Variants in KLHL14 observed in about 807,000 individuals in gnomAD.
KLHL14 encodes kelch like family member 14.
KLHL14 carries 22 observed loss-of-function variants against 64.3 expected under a neutral mutation model. The observed-to-expected ratio is 0.34, with a 90% CI of 0.24 to 0.49. The LOEUF (loss-of-function observed/expected upper bound fraction) is 0.49, where lower values mean the gene tolerates loss of function less well. Among genes scored for constraint, KLHL14 ranks in the 20% least tolerant of loss-of-function variants. KLHL14 has a pLI of 0.99. For missense variants in KLHL14, 661 were observed against 789.0 expected (o/e 0.84, Z 1.94); for synonymous variants, 322 against 333.4 (o/e 0.97, Z 0.37).
chr18:32,765,895 T>C (rs1056866277), intron 2 of KLHL14, among the ~76,000 whole-genome samples: 1 of 152,134 alleles, frequency 6.6e-6, no homozygotes, highest in Admixed American at 6.5e-5. Flanking sequence ...TTAGGTAGTC[T>C]CCTGTTGTTT....
Position 32,770,303 on chromosome 18 carries a change from G to A in KLHL14, c.289C>T (p.Gln97Ter). 6.3e-7 allele frequency: 1 copy of A among 1,586,616 alleles called. No homozygotes were observed. Among genetic ancestry groups the A allele is most frequent in the Non-Finnish European group, 8.6e-7 (1 of 1,166,332 alleles). The change falls in exon 2 of 9, where the codon CAG (glutamine) becomes TAG (stop). Residue 97 changes from glutamine (Q) to a stop codon, truncating the protein, a stop_gained. Transcript: ENST00000359358. LOFTEE classifies it high-confidence loss of function. This position sits in a 1 kb window ranked among gnomAD's most constrained non-coding sequence, Gnocchi z 6.7. ...PPQQQPSQQQQPPPQEEPGTP... is the reference protein window; with the variant it reads ...PPQQQPSQQQ ...CCGGGCTCCTCCTGCGGCGGCGGCT[G>A]CTGCTGCTGTGACGGCTGCTGCTGC...
rs767356170 is a variant in KLHL14 at position 32,683,504 on chromosome 18, C to T, written c.1239-2905G>A. ...CTTGACAATGCTCCCTGCCCCTCTT[C>T]GCCACATGAAGAACATATAAGGTTC... On this transcript the variant is annotated intron_variant, in intron 5 of 8. Coordinates refer to ENST00000359358, the MANE Select transcript of KLHL14 (RefSeq NM_020805.3). This position sits in a 1 kb window ranked among gnomAD's most constrained non-coding sequence, Gnocchi z 4.2. Among the ~76,000 whole-genome samples, 17 of 152,090 alleles carry T rather than the reference C, an allele frequency of 1.1e-4. No individual in the cohort carries two copies. The highest frequency in any genetic ancestry group is 2.1e-4 in the South Asian group (1 of 4,816).
chr18:32,750,519 A>G (rs2050246104), intron 2 of KLHL14, among the ~76,000 whole-genome samples: 1 of 152,204 alleles, frequency 6.6e-6, no homozygotes, highest in African/African-American at 2.4e-5. Context: ...TTGCATAAGC[A>G]AGTTTAACAA....
chr18:32,748,808 C>CTTA (rs1376639828), intron 2 of KLHL14, among the ~76,000 whole-genome samples: 2 of 152,118 alleles, frequency 1.3e-5, no homozygotes, highest in Non-Finnish European at 2.9e-5. Context: ...TCTCTTTAAC[C>CTTA]TTATTTATAA....
intron 8 of KLHL14, among the ~76,000 whole-genome samples, chr18:32,675,776 G>A (rs959694192): frequency 3.3e-5 from 5 of 152,134 alleles, no homozygotes; most frequent in African/African-American, 9.7e-5. Context: ...CCCAATGTCT[G>A]CTTCCAAACA....
chr18:32,737,801 CA>C (rs1430561764), intron 3 of KLHL14: 2 of 152,008 alleles, frequency 1.3e-5, no homozygotes, highest in Non-Finnish European at 2.9e-5. Context: ...CCTTCCACTA[CA>C]AAGAGAAAAG....
At chr18:32,756,107 T>C (rs916385888) in intron 2 of KLHL14, among the ~76,000 whole-genome samples, 2 of 152,170 alleles carry the variant, frequency 1.3e-5, no homozygotes, top group African/African-American at 2.4e-5. Context: ...CATTTGGAGA[T>C]AGAGCTTTTA....
At chr18:32,699,579 A>G (rs192345676) in intron 3 of KLHL14, among the ~76,000 whole-genome samples, 1 of 152,200 alleles carries the variant, frequency 6.6e-6, no homozygotes, top group Non-Finnish European at 1.5e-5. Context: ...TAGAATCCAA[A>G]CATGGGGATA....
At chr18:32,761,962 A>G (rs12606442) in intron 2 of KLHL14, among the ~76,000 whole-genome samples, 68,582 of 152,042 alleles carry the variant, frequency 0.45, 17,356 homozygotes, top group East Asian at 0.93. Flanking sequence ...GCCAGGTCAA[A>G]TTACATGGGA....
intron 3 of KLHL14, among the ~76,000 whole-genome samples, chr18:32,704,415 A>G (rs2049980385): frequency 6.6e-6 from 1 of 152,104 alleles, no homozygotes; most frequent in Non-Finnish European, 1.5e-5. Flanking sequence ...AAGGTATCAG[A>G]AGGTCTAATT....
intron 3 of KLHL14, among the ~76,000 whole-genome samples, chr18:32,699,927 ATT>A (rs557703756): frequency 1.0e-4 from 15 of 143,564 alleles, no homozygotes; most frequent in Non-Finnish European, 1.1e-4. Flanking sequence ...CTGTTGGCAG[ATT>A]TTTTTTTTTT....
At position 32,767,130 on chromosome 18, in the gene KLHL14, T is replaced by C. The variant is rs541922347; in HGVS notation, c.947+2515A>G. The stretch of plus-strand genomic sequence containing the variant: ...TCAATTGTCTTCAATGAAAGTGATG[T>C]AATCTCAAAAACAATTGGTTAACAC... On this transcript the variant is annotated intron_variant, in intron 2 of 8. Coordinates refer to ENST00000359358, the MANE Select transcript of KLHL14 (RefSeq NM_020805.3). Among the ~76,000 whole-genome samples, 6 of 152,356 alleles carry C rather than the reference T, an allele frequency of 3.9e-5. No homozygotes were observed. The South Asian group carries it at 1.2e-3, about 32-fold the overall frequency.
chr18:32,687,093 T>C, intron 5 of KLHL14, 62 bp downstream of exon 5: 2 of 1,364,764 alleles, frequency 1.5e-6, no homozygotes, highest in Non-Finnish European at 2.1e-6. Flanking sequence ...AAAAACCACC[T>C]AGCACCCATG....
At chr18:32,717,791 T>C (rs2050053729) in intron 3 of KLHL14, among the ~76,000 whole-genome samples, 1 of 152,256 alleles carries the variant, frequency 6.6e-6, no homozygotes, top group Admixed American at 6.5e-5. Context: ...TAAATATTTA[T>C]TGAACACCTA....
chr18:32,707,452 C>G (rs986145576), intron 3 of KLHL14, among the ~76,000 whole-genome samples: 1 of 152,224 alleles, frequency 6.6e-6, no homozygotes, highest in African/African-American at 2.4e-5. Context: ...CAAAGCTAGC[C>G]TTTGGCTGGC....
In KLHL14 at chr18:32,712,814, C is replaced by G. The variant is rs1334782731; in HGVS notation, c.1070-17262G>C. Among the ~76,000 whole-genome samples the G allele has an allele frequency of 2.0e-5, 3 of 152,108 alleles. No homozygotes were observed. In the East Asian group the frequency reaches 5.8e-4, roughly 29 times the overall value. Reference sequence around the variant, plus strand: ...TGTTGTTAAATTAACCTTCATGTTGCTAAATCTAATGTCACTTCTCGATGC... The same window carrying G: ...TGTTGTTAAATTAACCTTCATGTTGGTAAATCTAATGTCACTTCTCGATGC... On this transcript the variant is annotated intron_variant, in intron 3 of 8. Coordinates refer to ENST00000359358, the MANE Select transcript of KLHL14 (RefSeq NM_020805.3).
chr18:32,763,635 A>G (rs2050325953), intron 2 of KLHL14, among the ~76,000 whole-genome samples: 2 of 152,242 alleles, frequency 1.3e-5, no homozygotes, highest in South Asian at 4.1e-4. Flanking sequence ...TTGCTCAGAC[A>G]GTGATAGCTA....
At chr18:32,720,381 G>A (rs915738408) in intron 3 of KLHL14, among the ~76,000 whole-genome samples, 4 of 152,130 alleles carry the variant, frequency 2.6e-5, no homozygotes, top group Non-Finnish European at 2.9e-5. Context: ...AGAAAGAGGG[G>A]TCAGGGATGA....
At chr18:32,762,797 A>G (rs1363174105) in intron 2 of KLHL14, among the ~76,000 whole-genome samples, 1 of 152,206 alleles carries the variant, frequency 6.6e-6, no homozygotes, top group African/African-American at 2.4e-5. Flanking sequence ...AAGGACATGG[A>G]AAATGAACAT....
Sources: gnomAD v4.1 joint callset for allele counts (sites outside exome capture counted in the v4.1 genomes callset) on GRCh38, gnomAD v4.1.1 for gene constraint, Gnocchi (gnomAD v3.1) non-coding constraint, MANE v1.5 for transcripts, NCBI Gene and HGNC (gene_info 2026-07-23, HGNC 2026-07-21) for gene names.